The following DOCK3 variants were observed in gnomAD, a reference collection of about 807,000 sequenced individuals.
The protein encoded by DOCK3 is dedicator of cytokinesis 3.
DOCK3 carries 60 observed loss-of-function variants against 265.6 expected under a neutral mutation model. That is an observed-to-expected ratio of 0.23 (90% confidence interval 0.18 to 0.28). The LOEUF (loss-of-function observed/expected upper bound fraction) is 0.28, where lower values mean the gene tolerates loss of function less well. Among genes scored for constraint, DOCK3 ranks in the 10% least tolerant of loss-of-function variants. The probability of loss-of-function intolerance (pLI) is 1.00; values close to 1 mark genes in which losing one functional copy is unlikely to be tolerated. For missense variants in DOCK3, 1,981 were observed against 2,594.3 expected, an observed-to-expected ratio of 0.76 and a Z score of 5.14; for synonymous variants, 881 against 938.0, an observed-to-expected ratio of 0.94 and a Z score of 1.11.
At chr3:50,718,848 G>A (rs1269260340) in intron 1 of DOCK3, among the ~76,000 whole-genome samples, 3 of 146,662 alleles carry the variant, frequency 2.0e-5, no homozygotes, top group African/African-American at 7.6e-5. Flanking sequence ...GCAGTGGCAC[G>A]ATCTCGGCTC....
chr3:50,717,485 A>G (rs1357272049), intron 1 of DOCK3, among the ~76,000 whole-genome samples: 2 of 152,070 alleles, frequency 1.3e-5, no homozygotes, highest in Non-Finnish European at 2.9e-5. Flanking sequence ...GTATGTGTGT[A>G]TATATACCTT....
chr3:50,853,971 A>G (rs148694008), intron 3 of DOCK3, among the ~76,000 whole-genome samples: 80 of 151,832 alleles, frequency 5.3e-4, no homozygotes, highest in Non-Finnish European at 1.0e-3. Flanking sequence ...CCTCGAGAAC[A>G]TCTGTTATTA....
chr3:51,362,708 G>A (rs2086826668), intron 49 of DOCK3, 34 bp downstream of exon 49: 1 of 1,606,784 alleles, frequency 6.2e-7, no homozygotes. Context: ...GCAGAATGGA[G>A]AAGAGAGGTC....
intron 1 of DOCK3, among the ~76,000 whole-genome samples, chr3:50,772,901 A>G (rs928692145): frequency 6.6e-6 from 1 of 152,112 alleles, no homozygotes; most frequent in African/African-American, 2.4e-5. Context: ...CTGTCAAAGT[A>G]CCAATGACAT....
intron 5 of DOCK3, among the ~76,000 whole-genome samples, chr3:50,945,223 G>T (rs776416282): frequency 6.6e-6 from 1 of 152,100 alleles, no homozygotes; most frequent in Non-Finnish European, 1.5e-5. Context: ...GTCATTTTGT[G>T]TGTACTACTG....
intron 47 of DOCK3, 101 bp downstream of exon 47, chr3:51,360,733 C>A (rs1224981240): frequency 1.5e-5 from 22 of 1,480,632 alleles, no homozygotes; most frequent in Non-Finnish European, 9.1e-6. Context: ...TTCCCTCTTA[C>A]CCATGCACAC....
At chr3:50,848,241 T>C (rs1488574726) in intron 3 of DOCK3, among the ~76,000 whole-genome samples, 1 of 152,334 alleles carries the variant, frequency 6.6e-6, no homozygotes, top group Non-Finnish European at 1.5e-5. Flanking sequence ...GTCTTTTTGT[T>C]GTTGTTGTTC....
Position 51,229,671 on chromosome 3 carries a change from T to C in DOCK3, c.1917+62T>C. On this transcript the variant is annotated intron_variant, in intron 19 of 52. Transcript: ENST00000266037. ...GAAGAATCTGGGCAGAAGACCTTACTTTGTCATGATTTTTGCCAATAACCG... is the reference window on the plus strand; with the variant it reads ...GAAGAATCTGGGCAGAAGACCTTACCTTGTCATGATTTTTGCCAATAACCG... 2.4e-6 allele frequency: 3 copies of C among 1,270,984 alleles called. No individual in the cohort carries two copies. In the South Asian group the frequency reaches 6.6e-5, roughly 28 times the overall value. 78.7% of individuals were successfully genotyped at this position (1,270,984 alleles called of 1,614,324 possible).
intron 6 of DOCK3, among the ~76,000 whole-genome samples, chr3:51,073,925 A>G (rs879632274): frequency 3.3e-5 from 5 of 152,194 alleles, no homozygotes; most frequent in Admixed American, 1.3e-4. Context: ...TCTTACTGCA[A>G]TGTAATTTTA....
At chr3:50,765,070 AG>A (rs1426215503) in intron 1 of DOCK3, among the ~76,000 whole-genome samples, 7 of 55,050 alleles carry the variant, frequency 1.3e-4, no homozygotes, top group South Asian at 6.4e-4. Flanking sequence ...CCACTTTCTT[AG>A]GTTTTTTTTT....
intron 27 of DOCK3, among the ~76,000 whole-genome samples, chr3:51,301,052 G>C (rs1254404401): frequency 6.6e-6 from 1 of 152,082 alleles, no homozygotes. Context: ...TTGGTTAGTA[G>C]GCTGTTTATT....
intron 5 of DOCK3, among the ~76,000 whole-genome samples, chr3:51,050,116 G>A (rs1445512622): frequency 3.3e-5 from 5 of 152,144 alleles, no homozygotes; most frequent in Non-Finnish European, 7.4e-5. Flanking sequence ...GGGCGTGGTA[G>A]CTTATACCTG....
intron 23 of DOCK3, among the ~76,000 whole-genome samples, chr3:51,264,527 C>T (rs950942112): frequency 2.6e-5 from 4 of 152,036 alleles, no homozygotes; most frequent in Non-Finnish European, 5.9e-5. Context: ...CAAAAGCTAA[C>T]AGAAGACAAG....
At chr3:51,007,386 A>C (rs1023737815) in intron 5 of DOCK3, among the ~76,000 whole-genome samples, 1 of 152,026 alleles carries the variant, frequency 6.6e-6, no homozygotes, top group Non-Finnish European at 1.5e-5. Flanking sequence ...GATGATGAGC[A>C]TTTTTTCATG....
chr3:50,956,718 C>T (rs1170347596), intron 5 of DOCK3, among the ~76,000 whole-genome samples: 1 of 152,136 alleles, frequency 6.6e-6, no homozygotes, highest in African/African-American at 2.4e-5. Flanking sequence ...CAAAATGAAA[C>T]TAGAATCTAA....
intron 5 of DOCK3, among the ~76,000 whole-genome samples, chr3:51,048,818 G>A (rs1287757123): frequency 6.6e-6 from 1 of 151,706 alleles, no homozygotes; most frequent in Non-Finnish European, 1.5e-5. Context: ...AGCTGAGATC[G>A]TGCCACTGCA....
intron 5 of DOCK3, among the ~76,000 whole-genome samples, chr3:51,012,381 G>T (rs1016550197): frequency 2.6e-5 from 4 of 152,150 alleles, no homozygotes; most frequent in African/African-American, 9.7e-5. Flanking sequence ...CTGCCACCTT[G>T]CAGTTCGATC....
chr3:50,916,960 A>C (rs779489068), intron 4 of DOCK3, among the ~76,000 whole-genome samples: 3 of 152,080 alleles, frequency 2.0e-5, no homozygotes, highest in African/African-American at 4.8e-5. Context: ...ATTTCAAAAT[A>C]CATATTTTAA....
At chr3:50,778,786 A>G in intron 2 of DOCK3, 28 bp downstream of exon 2, 1 of 1,488,972 alleles carries the variant, frequency 6.7e-7, no homozygotes, top group South Asian at 1.2e-5. Flanking sequence ...AAGCACATAA[A>G]TTGTGATCAT....
Sources: allele counts gnomAD v4.1 joint callset (sites outside exome capture counted in the v4.1 genomes callset), GRCh38; gene constraint gnomAD v4.1.1; transcripts MANE v1.5; gene names NCBI Gene and HGNC (gene_info 2026-07-23, HGNC 2026-07-21).